NELL2: variants seen among roughly 807,000 people sequenced by gnomAD.
NELL2 encodes the protein neural EGFL like 2, also known as protein kinase C-binding protein NELL2.
In NELL2, 41 loss-of-function variants were observed where a neutral mutation model predicts 109.6. That is an observed-to-expected ratio of 0.37 (90% CI 0.29 to 0.49). NELL2 has a LOEUF of 0.49. Among genes scored for constraint, NELL2 ranks in the 20% least tolerant of loss-of-function variants. The pLI, the probability that NELL2 is intolerant of heterozygous loss-of-function variation, is 0.98. For missense variants in NELL2, 900 were observed against 1,008.3 expected (o/e 0.89, Z 1.45); for synonymous variants, 355 against 344.7 (o/e 1.03, Z -0.33).
intron 15 of NELL2, among the ~76,000 whole-genome samples, chr12:44,572,966 T>C (rs1344822250): frequency 3.3e-5 from 5 of 152,186 alleles, no homozygotes; most frequent in African/African-American, 1.2e-4. Flanking sequence ...AACAGAGGCA[T>C]GCACAGCAGG....
At chr12:44,757,482 C>G (rs781527217) in intron 9 of NELL2, among the ~76,000 whole-genome samples, 17 of 152,018 alleles carry the variant, frequency 1.1e-4, no homozygotes, top group Non-Finnish European at 2.4e-4. Flanking sequence ...CATCCTTATC[C>G]CAAAATACTC....
At chr12:44,770,749 G>C (rs1227559380) in intron 9 of NELL2, among the ~76,000 whole-genome samples, 1 of 152,072 alleles carries the variant, frequency 6.6e-6, no homozygotes, top group African/African-American at 2.4e-5. Flanking sequence ...CACATTCCCT[G>C]TATTTGAGAA....
chr12:44,889,475 G>A lies in NELL2; in HGVS notation c.39-13575C>T, dbSNP rs1013382318. On this transcript the variant is annotated intron_variant, in intron 1 of 20. Coordinates refer to the NELL2 transcript ENST00000333837. ...ATTGGCTGCTTTTTCAATACACTAC[G>A]GTACTTAATGTTCATCTGAATAGAA... 2.2e-4 allele frequency among the ~76,000 whole-genome samples: 34 copies of A among 151,874 alleles called. 1 individual carries two copies. Among genetic ancestry groups the A allele is most frequent in the African/African-American group, 7.0e-4 (29 of 41,218 alleles).
intron 1 of NELL2, among the ~76,000 whole-genome samples, chr12:44,892,981 C>A (rs147046988): frequency 5.9e-4 from 90 of 152,156 alleles, no homozygotes; most frequent in Middle Eastern, 3.4e-3. Context: ...AATTCACATA[C>A]CAAAGAAACT....
At chr12:44,810,806 C>A (rs944420274) in intron 3 of NELL2, among the ~76,000 whole-genome samples, 1 of 151,968 alleles carries the variant, frequency 6.6e-6, no homozygotes, top group Non-Finnish European at 1.5e-5. Context: ...GAATGGAGTG[C>A]CTTTTACATT....
chr12:44,825,514 G>C (rs552599066), intron 2 of NELL2, among the ~76,000 whole-genome samples: 1 of 145,344 alleles, frequency 6.9e-6, no homozygotes, highest in South Asian at 2.2e-4. Context: ...TCCTGCCTCA[G>C]CCTCCCCAAT....
chr12:44,589,431 T>A (rs1159874620), intron 15 of NELL2, among the ~76,000 whole-genome samples: 1 of 152,102 alleles, frequency 6.6e-6, no homozygotes, highest in Non-Finnish European at 1.5e-5. Flanking sequence ...TCTGGCTCTG[T>A]CATCCAGGCT....
At chr12:44,540,493 A>C (rs11182531) in intron 15 of NELL2, among the ~76,000 whole-genome samples, 23,607 of 152,042 alleles carry the variant, frequency 0.16, 1,963 homozygotes, top group East Asian at 0.27. Context: ...AGCTGAGATG[A>C]GACATGGAGC....
intron 15 of NELL2, among the ~76,000 whole-genome samples, chr12:44,553,876 C>T (rs1479625378): frequency 2.6e-5 from 4 of 152,152 alleles, no homozygotes; most frequent in Admixed American, 6.6e-5. Flanking sequence ...TCCACACACA[C>T]ACATGCACAC....
chr12:44,539,062 C>A (rs1388037889), intron 15 of NELL2, among the ~76,000 whole-genome samples: 1 of 152,112 alleles, frequency 6.6e-6, no homozygotes, highest in Non-Finnish European at 1.5e-5. Context: ...ACTCCAGAGA[C>A]TATATTTGAT....
chr12:44,881,756 T>A (rs187736332), intron 1 of NELL2: 2 of 152,070 alleles, frequency 1.3e-5, no homozygotes, highest in Admixed American at 6.5e-5. Context: ...ATGTCTCAAA[T>A]TTGGCAAAAG....
intron 14 of NELL2, 109 bp downstream of exon 14, chr12:44,610,738 CT>C (rs1566015279): frequency 6.9e-7 from 1 of 1,454,246 alleles, no homozygotes; most frequent in South Asian, 1.2e-5. Flanking sequence ...CTTTTGATGT[CT>C]GTAGGAAGTA....
In NELL2 at chr12:44,876,095, A is replaced by G; in HGVS notation, c.-226T>C. The G allele has an allele frequency of 1.5e-6, 2 of 1,340,274 alleles. No homozygotes were observed. Among genetic ancestry groups the G allele is most frequent in the Admixed American group, 3.1e-5 (1 of 32,052 alleles). 83.0% of individuals were successfully genotyped at this position (1,340,274 alleles called of 1,614,324 possible). ...CAATGCGCACATCATTCCCACACGC[A>G]GGGCCGAGGCGGCAGCGCGGCCCGG... On this transcript the variant is annotated 5_prime_UTR_variant, in exon 1 of 20. Transcript: ENST00000429094.
intron 2 of NELL2, among the ~76,000 whole-genome samples, chr12:44,832,624 A>C (rs1207103764): frequency 6.6e-6 from 1 of 152,232 alleles, no homozygotes; most frequent in Non-Finnish European, 1.5e-5. Context: ...ACTAAGTAAA[A>C]GTTACAGATT....
At chr12:44,895,603 G>C (rs1945583751) in intron 1 of NELL2, among the ~76,000 whole-genome samples, 1 of 152,144 alleles carries the variant, frequency 6.6e-6, no homozygotes, top group South Asian at 2.1e-4. Flanking sequence ...GTTCTCAAAA[G>C]TTTCTAACCC....
intron 15 of NELL2, among the ~76,000 whole-genome samples, chr12:44,555,589 A>G (rs1025100441): frequency 7.9e-5 from 12 of 152,172 alleles, no homozygotes; most frequent in African/African-American, 2.9e-4. Flanking sequence ...TGGACACTGG[A>G]GTCTCAGAAT....
At chr12:44,915,633 T>C (rs73283039), upstream of NELL2, among the ~76,000 whole-genome samples, 677 of 152,262 alleles carry the variant, frequency 4.4e-3, 4 homozygotes, top group African/African-American at 0.015. Flanking sequence ...GAGATTAAAA[T>C]TCTCTTCCCA....
chr12:44,767,108 C>A (rs1436225453), intron 9 of NELL2, among the ~76,000 whole-genome samples: 1 of 152,130 alleles, frequency 6.6e-6, no homozygotes, highest in Non-Finnish European at 1.5e-5. Context: ...ACTTTCATAT[C>A]AGACAAAAGG....
At chr12:44,683,709 T>G (rs963542978) in intron 12 of NELL2, among the ~76,000 whole-genome samples, 1 of 152,232 alleles carries the variant, frequency 6.6e-6, no homozygotes, top group East Asian at 1.9e-4. Context: ...TCTGTTTATA[T>G]GCTGGATTAC....
Sources: allele counts gnomAD v4.1 joint callset (sites outside exome capture counted in the v4.1 genomes callset), GRCh38; gene constraint gnomAD v4.1.1; transcripts MANE v1.5; gene names NCBI Gene and HGNC (gene_info 2026-07-23, HGNC 2026-07-21).